The following CEACAM4 variants were observed in gnomAD, a reference collection of about 807,000 sequenced individuals.
CEACAM4 encodes the protein cell adhesion molecule CEACAM4.
In CEACAM4, 30 loss-of-function variants were observed where a neutral mutation model predicts 28.7. The ratio of observed to expected loss-of-function variants is 1.05; its 90% CI spans 0.78 to 1.42. The LOEUF (loss-of-function observed/expected upper bound fraction) is 1.42. CEACAM4 is among the 40% of genes most tolerant of loss of function. The probability of loss-of-function intolerance (pLI) is 0.00; values close to 1 mark genes in which losing one functional copy is unlikely to be tolerated. For synonymous variants in CEACAM4, 143 were observed against 126.5 expected, an observed-to-expected ratio of 1.13 and a Z score of -0.87; for missense variants, 330 against 308.2, an observed-to-expected ratio of 1.07 and a Z score of -0.53.
At chr19:41,619,431 C>G in intron 6 of CEACAM4, 36 bp from the exon 7 acceptor site, 2 of 1,610,302 alleles carry the variant, frequency 1.2e-6, no homozygotes, top group East Asian at 4.5e-5. Flanking sequence ...ACCCCTGTAG[C>G]CTTCTCAGAA....
chr19:41,627,040 T>C lies in CEACAM4; in HGVS notation c.-77A>G. 2 of 1,317,602 alleles carry C rather than the reference T, an allele frequency of 1.5e-6. No homozygotes were observed. The highest frequency in any genetic ancestry group is 2.8e-5 in the South Asian group (2 of 72,200). The allele number at this position is 1,317,602 out of a possible 1,614,324, so 81.6% of individuals were successfully genotyped here. A position where few individuals can be genotyped will look rare whatever the true frequency, so the allele number is the denominator to read the frequency against. On this transcript the variant is annotated 5_prime_UTR_variant, in exon 1 of 7. Coordinates refer to ENST00000221954, the MANE Select transcript of CEACAM4 (RefSeq NM_001817.4). ...GCTCTTGTCAGAGCTGCTGTGACTG[T>C]CGGCTGTCGGGGCTGCTGACCTTCC...
At chr19:41,619,510 A>T in intron 6 of CEACAM4, 115 bp from the exon 7 acceptor site, 1 of 1,564,778 alleles carries the variant, frequency 6.4e-7, no homozygotes, top group Non-Finnish European at 8.7e-7. Context: ...GGCTGTGCTC[A>T]GGGGGTCCCT....
intron 2 of CEACAM4, among the ~76,000 whole-genome samples, chr19:41,623,894 A>G (rs1413629774): frequency 6.6e-6 from 1 of 152,132 alleles, no homozygotes; most frequent in Non-Finnish European, 1.5e-5. Flanking sequence ...TCCAGGGTGT[A>G]AGGCAAACGT....
At chr19:41,626,191 T>C (rs1463245566) in intron 1 of CEACAM4, among the ~76,000 whole-genome samples, 1 of 151,496 alleles carries the variant, frequency 6.6e-6, no homozygotes, top group Non-Finnish European at 1.5e-5. Flanking sequence ...CCTGGTGGAA[T>C]CTTCTTCCCC....
rs184887419 is a variant in CEACAM4, at chr19:41,620,505, G to T, written c.595+70C>A. The T allele has an allele frequency of 3.6e-4, 488 of 1,350,522 alleles. 1 individual carries two copies. The highest frequency in any genetic ancestry group is 2.7e-4 in the Admixed American group (12 of 43,740). The allele number at this position is 1,350,522 out of a possible 1,614,324, so 83.7% of individuals were successfully genotyped here. A position where few individuals can be genotyped will look rare whatever the true frequency, so the allele number is the denominator to read the frequency against. ...AGAAAGGGTCAGAGGCCCCCAGGGG[G>T]TGACTGGCAGGAGTGGACACCGTAG... On this transcript the variant is annotated intron_variant, in intron 4 of 6. Coordinates refer to ENST00000221954, the MANE Select transcript of CEACAM4 (RefSeq NM_001817.4).
chr19:41,621,378 C>T (rs1555801362), intron 3 of CEACAM4, among the ~76,000 whole-genome samples: 1 of 152,090 alleles, frequency 6.6e-6, no homozygotes, highest in African/African-American at 2.4e-5. Flanking sequence ...ATCTCCCTCC[C>T]TCCCTCCCTC....
At chr19:41,621,553 A>T in intron 3 of CEACAM4, 98 bp downstream of exon 3, 1 of 647,916 alleles carries the variant, frequency 1.5e-6, no homozygotes, top group Non-Finnish European at 2.8e-6. Context: ...CCTTGGGAGG[A>T]TGCGGAAAGC....
chr19:41,617,749 G>A (rs1282730496), downstream of CEACAM4, among the ~76,000 whole-genome samples: 1 of 152,134 alleles, frequency 6.6e-6, no homozygotes, highest in African/African-American at 2.4e-5. Context: ...GAAAAGGAGA[G>A]GAAATGCACT....
At chr19:41,623,850 T>C (rs1351857493) in intron 2 of CEACAM4, among the ~76,000 whole-genome samples, 2 of 152,172 alleles carry the variant, frequency 1.3e-5, no homozygotes, top group South Asian at 2.1e-4. Flanking sequence ...GGGGGGATTA[T>C]TATGGGATAT....
intron 2 of CEACAM4, among the ~76,000 whole-genome samples, chr19:41,622,637 G>A (rs1477981339): frequency 6.6e-6 from 1 of 152,094 alleles, no homozygotes; most frequent in East Asian, 1.9e-4. Flanking sequence ...CACAGAACTC[G>A]TACATGATAA....
In CEACAM4 at chr19:41,620,699, G is replaced by A. The variant is rs2071225942; in HGVS notation, c.543-72C>T. 7 of 1,279,610 alleles carry A rather than the reference G, an allele frequency of 5.5e-6. No individual in the cohort carries two copies. The South Asian group carries it at 7.3e-5, about 13-fold the overall frequency. The allele number at this position is 1,279,610 out of a possible 1,614,324, so 79.3% of individuals were successfully genotyped here. On this transcript the variant is annotated intron_variant, in intron 3 of 6. Coordinates refer to ENST00000221954, the MANE Select transcript of CEACAM4 (RefSeq NM_001817.4). Reference sequence around the variant, plus strand: ...GGTTTAGGGGCAGAATAAAGGACAAGGAAGGGACTCCATTTTCAAGGACTG... The same window carrying A: ...GGTTTAGGGGCAGAATAAAGGACAAAGAAGGGACTCCATTTTCAAGGACTG...
Position 41,619,287 on chromosome 19 carries a change from C to T in CEACAM4, c.*43G>A, listed in dbSNP as rs1041994. On this transcript the variant is annotated 3_prime_UTR_variant, in exon 7 of 7. Coordinates refer to ENST00000221954, the MANE Select transcript of CEACAM4 (RefSeq NM_001817.4). Reference sequence around the variant, plus strand: ...TCCCCGTCCCCAGGGCTGGGAGCTTCGGGGACGCTCCATCAACCCACAAGA... The same window carrying T: ...TCCCCGTCCCCAGGGCTGGGAGCTTTGGGGACGCTCCATCAACCCACAAGA... The T allele has an allele frequency of 0.26, 398,366 of 1,548,310 alleles. 56,681 individuals are homozygous for T. Among genetic ancestry groups the T allele is most frequent in the Non-Finnish European group, 0.3 (334,432 of 1,120,890 alleles).
chr19:41,616,744 G>A (rs78727869), downstream of CEACAM4, among the ~76,000 whole-genome samples: 640 of 152,190 alleles, frequency 4.2e-3, 2 homozygotes, highest in Non-Finnish European at 7.5e-3. Context: ...TGAGCTCAGC[G>A]GATGCTCCAG....
At chr19:41,625,499 C>T (rs1431430584) in intron 2 of CEACAM4, 102 bp downstream of exon 2, 3 of 1,393,990 alleles carry the variant, frequency 2.2e-6, no homozygotes, top group East Asian at 4.6e-5. Flanking sequence ...CAACACGGGA[C>T]AAAATGCAGA....
intron 2 of CEACAM4, among the ~76,000 whole-genome samples, chr19:41,624,385 A>G (rs1475595076): frequency 6.6e-6 from 1 of 152,206 alleles, no homozygotes; most frequent in Admixed American, 6.5e-5. Context: ...ATACCCACAC[A>G]TCAGAAAACA....
At chr19:41,614,877 G>A (rs1303399532), downstream of CEACAM4, among the ~76,000 whole-genome samples, 7 of 140,412 alleles carry the variant, frequency 5.0e-5, no homozygotes, top group Non-Finnish European at 7.8e-5. Flanking sequence ...AGGTGGATGG[G>A]TATGTTTGGC....
rs782668392 is a variant in CEACAM4 at position 41,619,726 on chromosome 19, G to C, written c.628-15C>G. The C allele has an allele frequency of 6.4e-6, 10 of 1,556,678 alleles. No individual in the cohort carries two copies. Among genetic ancestry groups the C allele is most frequent in the Non-Finnish European group, 7.8e-6 (9 of 1,150,894 alleles). On this transcript the variant is annotated splice_polypyrimidine_tract_variant and intron_variant, in intron 5 of 6. Transcript: ENST00000221954. ...GGTAGAGGGGCCTGGGCAGGGGAGAGAGGAGATGTCAGGGGACAGGGAGGG... is the reference window on the plus strand; with the variant it reads ...GGTAGAGGGGCCTGGGCAGGGGAGACAGGAGATGTCAGGGGACAGGGAGGG...
chr19:41,618,776 CT>C (rs1392567443), downstream of CEACAM4, among the ~76,000 whole-genome samples: 1 of 152,184 alleles, frequency 6.6e-6, no homozygotes, highest in Non-Finnish European at 1.5e-5. Context: ...GCCTTGGTCC[CT>C]GGGGTAGTGT....
At chr19:41,622,837 C>CAT (rs761659043) in intron 2 of CEACAM4, among the ~76,000 whole-genome samples, 1 of 144,052 alleles carries the variant, frequency 6.9e-6, no homozygotes, top group Non-Finnish European at 1.5e-5. Context: ...TGATCTCTAG[C>CAT]ATATATATAC....
Sources: allele counts gnomAD v4.1 joint callset (sites outside exome capture counted in the v4.1 genomes callset), GRCh38; gene constraint gnomAD v4.1.1; transcripts MANE v1.5; gene names NCBI Gene and HGNC (gene_info 2026-07-23, HGNC 2026-07-21).